The following C14orf39 variants were observed in gnomAD, a reference collection of about 807,000 sequenced individuals.
C14orf39 encodes chromosome 14 open reading frame 39.
Under a neutral mutation model 85.6 loss-of-function variants are expected in C14orf39, and 66 were observed. The ratio of observed to expected loss-of-function variants is 0.77; its 90% confidence interval spans 0.63 to 0.95. The LOEUF (loss-of-function observed/expected upper bound fraction) is 0.95. Ranked by LOEUF, C14orf39 falls within the 40% of genes least tolerant of loss-of-function variation. The probability of loss-of-function intolerance (pLI) is 0.00; values close to 1 mark genes in which losing one functional copy is unlikely to be tolerated. For missense variants in C14orf39, 735 were observed against 663.9 expected (o/e 1.11, Z -1.18); for synonymous variants, 242 against 214.0 (o/e 1.13, Z -1.14).
rs1036914843 is a variant in C14orf39 at position 60,436,737 on chromosome 14, C to G, written c.*108G>C. On this transcript the variant is annotated 3_prime_UTR_variant, in exon 18 of 18. Transcript: ENST00000321731. ...ATATAATCAAATAATGTAAACATTA[C>G]TGCTTTAATCAATAAAAGAAAGCAG... 2.0e-5 allele frequency: 14 copies of G among 708,586 alleles called. No individual in the cohort carries two copies. Among genetic ancestry groups the G allele is most frequent in the Non-Finnish European group, 3.3e-5 (14 of 425,038 alleles). 43.9% of individuals were successfully genotyped at this position (708,586 alleles called of 1,614,324 possible).
intron 2 of C14orf39, among the ~76,000 whole-genome samples, chr14:60,492,946 A>C (rs1893013027): frequency 6.6e-6 from 1 of 152,192 alleles, no homozygotes; most frequent in Non-Finnish European, 1.5e-5. Flanking sequence ...TAGTACGTGA[A>C]CCTGTGATAG....
At chr14:60,508,019 A>G (rs973927755) in intron 1 of C14orf39, among the ~76,000 whole-genome samples, 9 of 152,284 alleles carry the variant, frequency 5.9e-5, no homozygotes, top group Non-Finnish European at 1.3e-4. Context: ...AATTCACTCC[A>G]CTAGCCCAAA....
rs142622082 is a variant in C14orf39 at position 60,498,458 on chromosome 14, C to T, written c.-9+838G>A. On this transcript the variant is annotated intron_variant, in intron 2 of 5. Transcript: ENST00000556799. ...ATAGGAAAGGCCAGTTATCACCACC[C>T]TGCTCCAGACAATTTTCCAAACTCT... is the stretch of plus-strand genomic sequence containing the variant. Among the ~76,000 whole-genome samples, 619 of 152,358 alleles carry T rather than the reference C, an allele frequency of 4.1e-3. 7 individuals carry two copies. Among genetic ancestry groups the T allele is most frequent in the African/African-American group, 0.014 (589 of 41,590 alleles).
At chr14:60,463,412 G>A (rs1275555000) in intron 11 of C14orf39, among the ~76,000 whole-genome samples, 1 of 151,702 alleles carries the variant, frequency 6.6e-6, no homozygotes, top group Non-Finnish European at 1.5e-5. Context: ...TTATTTTTAT[G>A]TAGTCCATTG....
At chr14:60,440,397 A>C (rs1890452211) in intron 17 of C14orf39, among the ~76,000 whole-genome samples, 1 of 152,180 alleles carries the variant, frequency 6.6e-6, no homozygotes, top group Non-Finnish European at 1.5e-5. Flanking sequence ...AAACCATGGC[A>C]CAATCTTTGT....
intron 5 of C14orf39, among the ~76,000 whole-genome samples, chr14:60,476,734 G>A (rs1429319843): frequency 1.3e-5 from 2 of 152,166 alleles, no homozygotes; most frequent in African/African-American, 2.4e-5. Flanking sequence ...ATAAGAAGCA[G>A]TTATATATAC....
At chr14:60,471,843 C>G in intron 5 of C14orf39, 104 bp from the exon 6 acceptor site, 1 of 640,472 alleles carries the variant, frequency 1.6e-6, no homozygotes, top group Non-Finnish European at 2.6e-6. Context: ...AATCAAATGT[C>G]TTCTTATTCT....
intron 9 of C14orf39, among the ~76,000 whole-genome samples, chr14:60,468,092 A>C (rs926277668): frequency 1.3e-5 from 2 of 151,716 alleles, no homozygotes; most frequent in Non-Finnish European, 3.0e-5. Context: ...GGTGATAAAA[A>C]AGTAAATACC....
chr14:60,509,213 C>A (rs1893250639), intron 1 of C14orf39: 1 of 612,312 alleles, frequency 1.6e-6, no homozygotes, highest in Non-Finnish European at 2.9e-6. Flanking sequence ...AGCCGCGGAG[C>A]CAGCACCTCC....
chr14:60,440,821 C>T (rs143635461), intron 17 of C14orf39, among the ~76,000 whole-genome samples: 35 of 152,248 alleles, frequency 2.3e-4, no homozygotes, highest in African/African-American at 8.4e-4. Flanking sequence ...TAATTTTCAA[C>T]GAACATACTG....
intron 13 of C14orf39, among the ~76,000 whole-genome samples, chr14:60,460,558 C>T (rs1334195967): frequency 6.6e-6 from 1 of 151,730 alleles, no homozygotes; most frequent in African/African-American, 2.4e-5. Context: ...CTTTTATATA[C>T]TTTAATAGAG....
chr14:60,442,265 C>T, intron 16 of C14orf39, 134 bp from the exon 17 acceptor site: 2 of 487,908 alleles, frequency 4.1e-6, no homozygotes, highest in Admixed American at 3.7e-5. Context: ...TTATATAGCA[C>T]ACTCTTATAC....
chr14:60,506,939 G>A (rs1290312886), intron 1 of C14orf39, among the ~76,000 whole-genome samples: 1 of 152,182 alleles, frequency 6.6e-6, no homozygotes, highest in African/African-American at 2.4e-5. Flanking sequence ...CAAAGATTAA[G>A]GGTAAGAAAC....
At chr14:60,488,744 C>A (rs1892941330), upstream of C14orf39, among the ~76,000 whole-genome samples, 1 of 152,180 alleles carries the variant, frequency 6.6e-6, no homozygotes, top group African/African-American at 2.4e-5. Context: ...TAACTACTAT[C>A]TCCATCACAT....
At chr14:60,454,715 T>C (rs1891189763) in intron 16 of C14orf39, among the ~76,000 whole-genome samples, 1 of 152,022 alleles carries the variant, frequency 6.6e-6, no homozygotes, top group Non-Finnish European at 1.5e-5. Context: ...GTCTGAAAGT[T>C]AGACACATTA....
rs560882046 is a variant in C14orf39 at position 60,457,495 on chromosome 14, T to C, written c.1180-400A>G. ...GTACTTTTAAGCAATCTTGCTCTCATTGATTAATTACATTTTCACACTTTT... is the reference window on the plus strand; with the variant it reads ...GTACTTTTAAGCAATCTTGCTCTCACTGATTAATTACATTTTCACACTTTT... On this transcript the variant is annotated intron_variant, in intron 14 of 17. Coordinates refer to ENST00000321731, the MANE Select transcript of C14orf39 (RefSeq NM_174978.3). 1.5e-4 allele frequency among the ~76,000 whole-genome samples: 23 copies of C among 152,114 alleles called. No homozygotes were observed. The South Asian group carries it at 4.6e-3, about 30-fold the overall frequency.
intron 16 of C14orf39, among the ~76,000 whole-genome samples, chr14:60,447,869 GAGGCCTC>G (rs1328127634): frequency 6.6e-6 from 1 of 152,050 alleles, no homozygotes; most frequent in Non-Finnish European, 1.5e-5. Flanking sequence ...AAACAGAACA[GAGGCCTC>G]AGAAATAACA....
upstream of C14orf39, among the ~76,000 whole-genome samples, chr14:60,486,289 A>G (rs1376423397): frequency 6.6e-6 from 1 of 152,234 alleles, no homozygotes; most frequent in East Asian, 1.9e-4. Flanking sequence ...GACCTGTCAG[A>G]GACTCTCCTG....
rs1424960495 is a variant in C14orf39 at position 60,457,928 on chromosome 14, G to A, written c.1179+750C>T. ...TTTCATCAATCATTATTTAGTTATAGTCAATATATATTGTCACTTACTGAT... is the reference window on the plus strand; with the variant it reads ...TTTCATCAATCATTATTTAGTTATAATCAATATATATTGTCACTTACTGAT... On this transcript the variant is annotated intron_variant, in intron 14 of 17. Transcript: ENST00000321731. Among the ~76,000 whole-genome samples, 4 of 151,634 alleles carry A rather than the reference G, an allele frequency of 2.6e-5. No homozygotes were observed. The South Asian group carries it at 8.3e-4, about 32-fold the overall frequency.
Sources: gnomAD v4.1 joint callset for allele counts (sites outside exome capture counted in the v4.1 genomes callset) on GRCh38, gnomAD v4.1.1 for gene constraint, MANE v1.5 for transcripts, NCBI Gene and HGNC (gene_info 2026-07-23, HGNC 2026-07-21) for gene names.